The following UBE2E2 variants were observed in gnomAD, a reference collection of about 807,000 sequenced individuals.
The protein encoded by UBE2E2 is ubiquitin conjugating enzyme E2 E2, also known as ubiquitin-conjugating enzyme E2 E2.
UBE2E2 carries 6 observed loss-of-function variants against 24.7 expected under a neutral mutation model. The ratio of observed to expected loss-of-function variants is 0.24; its 90% CI spans 0.13 to 0.48. The LOEUF (loss-of-function observed/expected upper bound fraction) is 0.48, where lower values mean the gene tolerates loss of function less well. Ranked by LOEUF, UBE2E2 falls within the 20% of genes least tolerant of loss-of-function variation. UBE2E2 has a pLI of 0.99. For synonymous variants in UBE2E2, 104 were observed against 83.6 expected, an observed-to-expected ratio of 1.24 and a Z score of -1.33; for missense variants, 169 against 245.0, an observed-to-expected ratio of 0.69 and a Z score of 2.07.
chr3:23,243,892 A>G (rs1697319130), intron 3 of UBE2E2, among the ~76,000 whole-genome samples: 1 of 152,096 alleles, frequency 6.6e-6, no homozygotes, highest in African/African-American at 2.4e-5. Context: ...TATTAAAATT[A>G]TGATGCCTTA....
intron 4 of UBE2E2, among the ~76,000 whole-genome samples, chr3:23,506,292 C>G (rs1290444548): frequency 6.6e-6 from 1 of 152,198 alleles, no homozygotes; most frequent in East Asian, 1.9e-4. Flanking sequence ...AGTTGAACAT[C>G]CAGTAGTCAT....
chr3:23,227,692 G>A (rs868027319), intron 3 of UBE2E2, among the ~76,000 whole-genome samples: 48 of 152,144 alleles, frequency 3.2e-4, no homozygotes, highest in African/African-American at 9.9e-4. Context: ...TTGGAAATGC[G>A]TGTACTAAGT....
At chr3:23,203,136 C>T (rs1696003143), upstream of UBE2E2, 7 of 984,654 alleles carry the variant, frequency 7.1e-6, no homozygotes, top group Admixed American at 6.2e-5. Flanking sequence ...GGCCGGGCGG[C>T]GGCGGCTCCC....
chr3:23,572,803 G>A (rs980862514), intron 5 of UBE2E2, among the ~76,000 whole-genome samples: 10 of 152,216 alleles, frequency 6.6e-5, no homozygotes, highest in African/African-American at 2.4e-4. Context: ...CACCTAGGTT[G>A]AATTCATCCC....
intron 3 of UBE2E2, among the ~76,000 whole-genome samples, chr3:23,378,236 T>TAAAAAAAAAAAAAAA (rs56808350): frequency 8.5e-6 from 1 of 118,064 alleles, no homozygotes; most frequent in Non-Finnish European, 1.7e-5. Flanking sequence ...AAATAAGCAG[T>TAAAAAAAAAAAAAAA]AAAAAAAAAA....
At chr3:23,355,695 A>T (rs1290076956) in intron 3 of UBE2E2, among the ~76,000 whole-genome samples, 2 of 152,160 alleles carry the variant, frequency 1.3e-5, no homozygotes, top group Admixed American at 6.5e-5. Context: ...TAAATTATAA[A>T]TTACTGTCAC....
intron 3 of UBE2E2, among the ~76,000 whole-genome samples, chr3:23,392,918 G>A (rs1696973711): frequency 6.6e-6 from 1 of 152,204 alleles, no homozygotes; most frequent in Non-Finnish European, 1.5e-5. Flanking sequence ...CTGAAGGCCA[G>A]GAAGGGGCAA....
At chr3:23,325,348 A>G (rs751943829) in intron 3 of UBE2E2, among the ~76,000 whole-genome samples, 7 of 152,208 alleles carry the variant, frequency 4.6e-5, no homozygotes, top group South Asian at 2.1e-4. Context: ...CAATTTACAT[A>G]CTAATCTGAG....
chr3:23,362,696 G>C (rs1002764333), intron 3 of UBE2E2, among the ~76,000 whole-genome samples: 33 of 152,112 alleles, frequency 2.2e-4, no homozygotes, highest in Admixed American at 2.2e-3. Context: ...TCCAGCTTCT[G>C]TGTGAACTTA....
chr3:23,485,638 A>G (rs1376755936), intron 3 of UBE2E2, among the ~76,000 whole-genome samples: 2 of 152,194 alleles, frequency 1.3e-5, no homozygotes, highest in Non-Finnish European at 2.9e-5. Context: ...GTTTCAGAGT[A>G]TGTGGGAACT....
intron 3 of UBE2E2, among the ~76,000 whole-genome samples, chr3:23,362,642 G>T (rs1201550606): frequency 6.6e-6 from 1 of 152,108 alleles, no homozygotes; most frequent in Non-Finnish European, 1.5e-5. Context: ...CCCTGCCACA[G>T]GTAGCCAGGC....
chr3:23,327,222 A>G (rs559813286), intron 3 of UBE2E2, among the ~76,000 whole-genome samples: 1 of 152,318 alleles, frequency 6.6e-6, no homozygotes, highest in Admixed American at 6.5e-5. Flanking sequence ...TAGTACTTCT[A>G]GTTCTAGGTC....
intron 3 of UBE2E2, among the ~76,000 whole-genome samples, chr3:23,442,194 C>G (rs1239850556): frequency 6.6e-6 from 1 of 152,022 alleles, no homozygotes; most frequent in African/African-American, 2.4e-5. Flanking sequence ...GACAGGAAAT[C>G]AGGGTGAAGA....
At chr3:23,296,152 C>T (rs1322776590) in intron 3 of UBE2E2, among the ~76,000 whole-genome samples, 2 of 152,122 alleles carry the variant, frequency 1.3e-5, no homozygotes, top group African/African-American at 2.4e-5. Flanking sequence ...GAATTGGAGA[C>T]AGTTCTGTTT....
intron 3 of UBE2E2, among the ~76,000 whole-genome samples, chr3:23,481,075 CAT>C (rs1234895801): frequency 6.6e-6 from 1 of 152,128 alleles, no homozygotes; most frequent in African/African-American, 2.4e-5. Flanking sequence ...GTAATCTTAA[CAT>C]ATAAATAATG....
chr3:23,375,306 A>G (rs1429668093), intron 3 of UBE2E2, among the ~76,000 whole-genome samples: 1 of 152,208 alleles, frequency 6.6e-6, no homozygotes, highest in African/African-American at 2.4e-5. Flanking sequence ...AACTCACAAG[A>G]GATTGATTTA....
At chr3:23,207,194 G>A (rs1696173162) in intron 1 of UBE2E2, among the ~76,000 whole-genome samples, 1 of 152,142 alleles carries the variant, frequency 6.6e-6, no homozygotes, top group Admixed American at 6.5e-5. Context: ...CAGCTCATAA[G>A]GGATGTATTC....
intron 4 of UBE2E2, among the ~76,000 whole-genome samples, chr3:23,524,585 A>G (rs875443): frequency 0.19 from 29,398 of 152,134 alleles, 2,831 homozygotes; most frequent in Middle Eastern, 0.23. Context: ...TCTTTCCACA[A>G]TACAACTCAT....
chr3:23,564,175 G>C (rs1477699989), intron 5 of UBE2E2, among the ~76,000 whole-genome samples: 1 of 152,022 alleles, frequency 6.6e-6, no homozygotes, highest in East Asian at 1.9e-4. Context: ...GTAAATGTGA[G>C]TGCATTCACA....
Sources: gnomAD v4.1 joint callset for allele counts (sites outside exome capture counted in the v4.1 genomes callset) on GRCh38, gnomAD v4.1.1 for gene constraint, MANE v1.5 for transcripts, NCBI Gene and HGNC (gene_info 2026-07-23, HGNC 2026-07-21) for gene names.